ZNF804A: variants seen among roughly 807,000 people sequenced by gnomAD.
ZNF804A encodes zinc finger protein 804A.
ZNF804A carries 2 observed loss-of-function variants against 16.5 expected under a neutral mutation model. The observed-to-expected ratio is 0.12, with a 90% CI of 0.05 to 0.38. ZNF804A has a LOEUF of 0.38. Ranked by LOEUF, ZNF804A falls within the 10% of genes least tolerant of loss-of-function variation. The pLI is 0.99. For missense variants in ZNF804A, 1,473 were observed against 1,390.7 expected, an observed-to-expected ratio of 1.06 and a Z score of -0.94; for synonymous variants, 534 against 489.6, an observed-to-expected ratio of 1.09 and a Z score of -1.20.
intron 1 of ZNF804A, among the ~76,000 whole-genome samples, chr2:184,666,333 A>T (rs1692253319): frequency 6.6e-6 from 1 of 152,114 alleles, no homozygotes; most frequent in Non-Finnish European, 1.5e-5. Context: ...AGAAAAACAG[A>T]TTCATTTCAA....
intron 2 of ZNF804A, among the ~76,000 whole-genome samples, chr2:184,889,267 A>C (rs77279220): frequency 0.064 from 9,714 of 151,790 alleles, 1,041 homozygotes; most frequent in African/African-American, 0.22. Context: ...TGTTTTAAGG[A>C]TCTGAAAATG....
chr2:184,601,642 T>A (rs1324952574), intron 1 of ZNF804A, among the ~76,000 whole-genome samples: 1 of 151,936 alleles, frequency 6.6e-6, no homozygotes, highest in Non-Finnish European at 1.5e-5. Flanking sequence ...TTTCCAACTT[T>A]ATATTTTATT....
rs1685289303 is a variant in ZNF804A at position 184,907,153 on chromosome 2, A to G, written c.256-26450A>G. Among the ~76,000 whole-genome samples the G allele has an allele frequency of 3.9e-5, 6 of 152,310 alleles. No homozygotes were observed. In the South Asian group the frequency reaches 1.2e-3, roughly 32 times the overall value. On this transcript the variant is annotated intron_variant, in intron 2 of 3. Transcript: ENST00000302277. The stretch of plus-strand genomic sequence containing the variant: ...GGAGAGAACACAGCCACTGTGCCTC[A>G]CTTTTCATCTATGAAACTGTGACAA...
chr2:184,665,090 T>C (rs1301160426), intron 1 of ZNF804A, among the ~76,000 whole-genome samples: 2 of 152,166 alleles, frequency 1.3e-5, no homozygotes, highest in African/African-American at 4.8e-5. Flanking sequence ...AGATCTACAT[T>C]AATATTTACA....
intron 1 of ZNF804A, among the ~76,000 whole-genome samples, chr2:184,836,697 A>AT (rs372065486): frequency 7.3e-4 from 96 of 131,084 alleles, no homozygotes; most frequent in African/African-American, 1.0e-3. Flanking sequence ...ATATATATAT[A>AT]TTTTTTTTTT....
At chr2:184,698,985 C>A (rs868245210) in intron 1 of ZNF804A, among the ~76,000 whole-genome samples, 17 of 152,004 alleles carry the variant, frequency 1.1e-4, no homozygotes, top group African/African-American at 3.9e-4. Flanking sequence ...ACCAACCGTG[C>A]CCACTCATGA....
In ZNF804A at chr2:184,842,800, T is replaced by A. The variant is rs187800729; in HGVS notation, c.112-23569T>A. ...AGAAAAAATAAATAAATAAAACACC[T>A]CAAGATCAGTTTCACAGATTTAACA... On this transcript the variant is annotated intron_variant, in intron 1 of 3. Coordinates refer to ENST00000302277, the MANE Select transcript of ZNF804A (RefSeq NM_194250.2). Among the ~76,000 whole-genome samples, 636 of 152,150 alleles carry A rather than the reference T, an allele frequency of 4.2e-3. 5 individuals are homozygous for A. Among genetic ancestry groups the A allele is most frequent in the African/African-American group, 0.015 (604 of 41,506 alleles).
chr2:184,648,280 A>G (rs560377099), intron 1 of ZNF804A, among the ~76,000 whole-genome samples: 47 of 152,284 alleles, frequency 3.1e-4, no homozygotes, highest in African/African-American at 1.1e-3. Context: ...ATAGAAGCAA[A>G]CAAATAATAC....
intron 1 of ZNF804A, among the ~76,000 whole-genome samples, chr2:184,821,669 A>T (rs1404994595): frequency 1.3e-5 from 2 of 152,208 alleles, no homozygotes; most frequent in Admixed American, 1.3e-4. Context: ...TCCATCTGAT[A>T]AAAGTCTAGT....
intron 1 of ZNF804A, among the ~76,000 whole-genome samples, chr2:184,754,678 A>G (rs572348954): frequency 3.3e-5 from 5 of 151,954 alleles, no homozygotes; most frequent in African/African-American, 1.2e-4. Flanking sequence ...TCATTGCAGT[A>G]TTTGGTATGC....
chr2:184,674,951 C>T (rs1692397957), intron 1 of ZNF804A, among the ~76,000 whole-genome samples: 1 of 151,712 alleles, frequency 6.6e-6, no homozygotes, highest in African/African-American at 2.4e-5. Context: ...AAAATAATGT[C>T]AGTGGTCCAT....
intron 1 of ZNF804A, among the ~76,000 whole-genome samples, chr2:184,862,549 G>A (rs947619896): frequency 6.6e-6 from 1 of 152,118 alleles, no homozygotes; most frequent in African/African-American, 2.4e-5. Flanking sequence ...GGAGGATAGA[G>A]ATAGAGAGAA....
chr2:184,748,706 T>A (rs1433384432), intron 1 of ZNF804A, among the ~76,000 whole-genome samples: 1 of 151,498 alleles, frequency 6.6e-6, no homozygotes, highest in Non-Finnish European at 1.5e-5. Flanking sequence ...CTTCTAGGAT[T>A]TTTATTGTTT....
At chr2:184,749,336 C>T (rs1013804542) in intron 1 of ZNF804A, among the ~76,000 whole-genome samples, 1 of 151,212 alleles carries the variant, frequency 6.6e-6, no homozygotes, top group African/African-American at 2.4e-5. Flanking sequence ...TTATTTGTGG[C>T]TATTTTAAAT....
chr2:184,933,046 T>C (rs964753344), intron 2 of ZNF804A, among the ~76,000 whole-genome samples: 1 of 152,004 alleles, frequency 6.6e-6, no homozygotes, highest in Non-Finnish European at 1.5e-5. Context: ...ATAAATAATG[T>C]ACTCTCAGAA....
chr2:184,774,392 A>G (rs766242847), intron 1 of ZNF804A, among the ~76,000 whole-genome samples: 12 of 152,028 alleles, frequency 7.9e-5, no homozygotes, highest in Admixed American at 1.3e-4. Flanking sequence ...TCTTTATTAC[A>G]GAAGAATATA....
chr2:184,670,462 G>C (rs1384035803), intron 1 of ZNF804A, among the ~76,000 whole-genome samples: 2 of 151,670 alleles, frequency 1.3e-5, no homozygotes, highest in East Asian at 3.9e-4. Context: ...GCTCAGACAT[G>C]GTTTTATTCC....
chr2:184,712,335 T>A (rs1693143459), intron 1 of ZNF804A, among the ~76,000 whole-genome samples: 1 of 151,786 alleles, frequency 6.6e-6, no homozygotes, highest in South Asian at 2.1e-4. Context: ...TTTTATTTCA[T>A]CCTTTTGAAT....
chr2:184,869,564 G>A (rs1363644338), intron 2 of ZNF804A, among the ~76,000 whole-genome samples: 1 of 151,952 alleles, frequency 6.6e-6, no homozygotes, highest in Non-Finnish European at 1.5e-5. Flanking sequence ...ATGCATTGCA[G>A]AGTACATGGA....
Sources: gnomAD v4.1 joint callset for allele counts (sites outside exome capture counted in the v4.1 genomes callset) on GRCh38, gnomAD v4.1.1 for gene constraint, MANE v1.5 for transcripts, NCBI Gene and HGNC (gene_info 2026-07-23, HGNC 2026-07-21) for gene names.